PCBP3: variants seen among roughly 807,000 people sequenced by gnomAD.
The protein encoded by PCBP3 is poly(rC) binding protein 3.
PCBP3 carries 25 observed loss-of-function variants against 52.7 expected under a neutral mutation model. The ratio of observed to expected loss-of-function variants is 0.47; its 90% CI spans 0.35 to 0.66. PCBP3 has a LOEUF of 0.66. Ranked by LOEUF, PCBP3 falls within the 30% of genes least tolerant of loss-of-function variation. PCBP3 has a pLI of 0.01. For missense variants in PCBP3, 391 were observed against 490.3 expected (o/e 0.80, Z 1.91); for synonymous variants, 162 against 183.0 (o/e 0.89, Z 0.93).
intron 15 of PCBP3, 55 bp from the exon 16 acceptor site, chr21:45,935,198 G>T (rs759817958): frequency 3.3e-5 from 41 of 1,228,468 alleles, no homozygotes; most frequent in Non-Finnish European, 4.8e-5. Flanking sequence ...AGGCACTGGA[G>T]TGTGACTGTT....
rs2092997606 is a variant in PCBP3 at position 45,817,403 on chromosome 21, C to T, written c.-125-32558C>T. ...GTAGTTCTGTCTCTCTCTGCCATTC[C>T]TCATGGAGTCCTTGCGTGCACAGCA... On this transcript the variant is annotated intron_variant, in intron 4 of 17. Coordinates refer to ENST00000681687, the MANE Select transcript of PCBP3 (RefSeq NM_001384156.1). This position sits in a 1 kb window ranked among gnomAD's most constrained non-coding sequence, Gnocchi z 4.3. 6.6e-6 allele frequency among the ~76,000 whole-genome samples: 1 copy of T among 152,224 alleles called. No homozygotes were observed. Among genetic ancestry groups the T allele is most frequent in the Non-Finnish European group, 1.5e-5 (1 of 68,034 alleles).
chr21:45,658,111 A>T (rs974048916), intron 1 of PCBP3, among the ~76,000 whole-genome samples: 4 of 152,172 alleles, frequency 2.6e-5, no homozygotes, highest in African/African-American at 9.7e-5. Context: ...TGTTATTATC[A>T]TGAAAGCGTG....
chr21:45,831,618 G>A (rs1347794941), intron 4 of PCBP3, among the ~76,000 whole-genome samples: 1 of 152,168 alleles, frequency 6.6e-6, no homozygotes, highest in Non-Finnish European at 1.5e-5. Flanking sequence ...CATGTTACTG[G>A]AAGGGGGTCC....
intron 5 of PCBP3, chr21:45,894,159 G>A (rs529510085): frequency 8.7e-6 from 3 of 345,858 alleles, no homozygotes; most frequent in African/African-American, 2.2e-5. Context: ...TGACCCGCAC[G>A]GCACAGGATG....
Position 45,714,012 on chromosome 21 carries a change from C to T in PCBP3, c.-199-21380C>T, listed in dbSNP as rs146021619. Among the ~76,000 whole-genome samples the T allele has an allele frequency of 5.6e-4, 85 of 152,270 alleles. 2 individuals carry two copies. In the East Asian group the frequency reaches 0.014, roughly 25 times the overall value. ...AGTTTTGGGGATGGGAGAATATAAA[C>T]GTTGTACACTTCTGTCCTCTTGTTT... On this transcript the variant is annotated intron_variant, in intron 2 of 17. Coordinates refer to ENST00000681687, the MANE Select transcript of PCBP3 (RefSeq NM_001384156.1).
chr21:45,881,633 T>C (rs890178975), intron 5 of PCBP3, among the ~76,000 whole-genome samples: 7 of 152,276 alleles, frequency 4.6e-5, no homozygotes, highest in South Asian at 4.1e-4. Context: ...TTCTTACCCA[T>C]AGTCACTGTG....
At chr21:45,832,966 G>A (rs981741854) in intron 4 of PCBP3, among the ~76,000 whole-genome samples, 3 of 152,144 alleles carry the variant, frequency 2.0e-5, no homozygotes, top group African/African-American at 4.8e-5. Context: ...ACGGTATGGT[G>A]GAAACTGCCC....
At position 45,746,159 on chromosome 21, in the gene PCBP3, T is replaced by C. The variant is rs568874373; in HGVS notation, c.-161-9258T>C. 1.2e-4 allele frequency among the ~76,000 whole-genome samples: 17 copies of C among 141,662 alleles called. No homozygotes were observed. The East Asian group carries it at 2.6e-3, about 21-fold the overall frequency. The allele number at this position is 141,662 out of a possible 152,430, so 92.9% of individuals were successfully genotyped here. ...TTGTGTCAGCATCGCTGTCAGTCCA[T>C]TGACGTAGCGCCACACGGTGTTGTC... is the stretch of plus-strand genomic sequence containing the variant. On this transcript the variant is annotated intron_variant, in intron 3 of 17. Coordinates refer to ENST00000681687, the MANE Select transcript of PCBP3 (RefSeq NM_001384156.1).
intron 4 of PCBP3, among the ~76,000 whole-genome samples, chr21:45,787,964 T>A (rs900512466): frequency 6.6e-6 from 1 of 152,078 alleles, no homozygotes; most frequent in Admixed American, 6.5e-5. Context: ...TTTAGCAGAC[T>A]ATAGCAAAGG....
rs1448943959 is a variant in PCBP3, at chr21:45,791,165, C to T, written c.-126+35713C>T. Among the ~76,000 whole-genome samples, 9 of 152,176 alleles carry T rather than the reference C, an allele frequency of 5.9e-5. No homozygotes were observed. Among genetic ancestry groups the T allele is most frequent in the African/African-American group, 9.6e-5 (4 of 41,510 alleles). On this transcript the variant is annotated intron_variant, in intron 4 of 17. Transcript: ENST00000681687. The surrounding 1 kb of genome is among the most constrained non-coding windows in gnomAD (Gnocchi z 4.2). ...CCCCTCACAACAAGGCTGTGTTGGT[C>T]GTCAGCCCAGCGTGGGAAGGGGGAG... is the stretch of plus-strand genomic sequence containing the variant.
At chr21:45,776,470 T>TTCTCTCTC (rs142762678) in intron 4 of PCBP3, among the ~76,000 whole-genome samples, 1 of 146,792 alleles carries the variant, frequency 6.8e-6, no homozygotes, top group African/African-American at 2.5e-5. Context: ...GAGTCTCTCT[T>TTCTCTCTC]TCTCTCTCTC....
At chr21:45,748,362 G>T (rs992975042) in intron 3 of PCBP3, among the ~76,000 whole-genome samples, 1 of 152,208 alleles carries the variant, frequency 6.6e-6, no homozygotes, top group Non-Finnish European at 1.5e-5. Context: ...TAGGCCCTGT[G>T]TGAATGGTGT....
rs138994565 is a variant in PCBP3, at chr21:45,726,896, G to T, written c.-199-8496G>T. Among the ~76,000 whole-genome samples, 1,140 of 152,272 alleles carry T rather than the reference G, an allele frequency of 7.5e-3. 10 individuals carry two copies. The highest frequency in any genetic ancestry group is 0.013 in the Non-Finnish European group (853 of 68,010). On this transcript the variant is annotated intron_variant, in intron 2 of 17. Transcript: ENST00000681687. ...TGTTTATTTTCTTATTGAGCTTTGA[G>T]AATTTTTTCTGTATATATTCTGGAT...
At chr21:45,798,947 G>T (rs2092163114) in intron 4 of PCBP3, among the ~76,000 whole-genome samples, 2 of 149,182 alleles carry the variant, frequency 1.3e-5, no homozygotes, top group Admixed American at 1.3e-4. Flanking sequence ...GTACATGGAT[G>T]AATGCATGGA....
chr21:45,785,407 C>T (rs1328441288), intron 4 of PCBP3, among the ~76,000 whole-genome samples: 1 of 150,526 alleles, frequency 6.6e-6, no homozygotes, highest in Non-Finnish European at 1.5e-5. Flanking sequence ...GCCCGGCCAC[C>T]CCTACTGGGA....
At chr21:45,925,745 A>T (rs1040562613) in intron 13 of PCBP3, among the ~76,000 whole-genome samples, 1 of 152,254 alleles carries the variant, frequency 6.6e-6, no homozygotes, top group South Asian at 2.1e-4. Context: ...TTACATGTTG[A>T]TAGAAAATTC....
intron 4 of PCBP3, among the ~76,000 whole-genome samples, chr21:45,849,688 A>G (rs576454442): frequency 6.6e-6 from 1 of 152,320 alleles, no homozygotes; most frequent in South Asian, 2.1e-4. Context: ...AGTAAGTGCA[A>G]TTTTATCAAA....
intron 5 of PCBP3, among the ~76,000 whole-genome samples, chr21:45,869,606 G>T (rs1477789525): frequency 2.0e-5 from 3 of 152,186 alleles, no homozygotes; most frequent in Non-Finnish European, 4.4e-5. Flanking sequence ...ATGCATGTGG[G>T]CTGCAGCCCT....
chr21:45,763,150 C>T (rs961131116), intron 4 of PCBP3: 1 of 152,282 alleles, frequency 6.6e-6, no homozygotes, highest in Non-Finnish European at 1.5e-5. Flanking sequence ...CTCTGGCTTT[C>T]CGCTCGGTCA....
Sources: allele counts gnomAD v4.1 joint callset (sites outside exome capture counted in the v4.1 genomes callset), GRCh38; gene constraint gnomAD v4.1.1; non-coding constraint Gnocchi (gnomAD v3.1); transcripts MANE v1.5; gene names NCBI Gene and HGNC (gene_info 2026-07-23, HGNC 2026-07-21).